The following ADAM12 variants were observed in gnomAD, a reference collection of about 807,000 sequenced individuals.
ADAM12 encodes the protein ADAM metallopeptidase domain 12.
In ADAM12, 70 loss-of-function variants were observed where a neutral mutation model predicts 106.4. The observed-to-expected ratio is 0.66, with a 90% CI of 0.54 to 0.80. ADAM12 has a LOEUF of 0.80. Among genes scored for constraint, ADAM12 ranks in the 30% least tolerant of loss-of-function variants. The pLI is 0.00. For missense variants in ADAM12, 1,010 were observed against 1,171.9 expected (o/e 0.86, Z 2.02); for synonymous variants, 420 against 433.5 (o/e 0.97, Z 0.39).
chr10:126,311,405 C>T (rs576991225), intron 2 of ADAM12, among the ~76,000 whole-genome samples: 2 of 152,182 alleles, frequency 1.3e-5, no homozygotes, highest in South Asian at 2.1e-4. Context: ...CAGATGAGAC[C>T]TTTGTGGCAT....
chr10:126,349,262 A>G (rs565779937), intron 1 of ADAM12, among the ~76,000 whole-genome samples: 2 of 152,316 alleles, frequency 1.3e-5, no homozygotes, highest in Admixed American at 6.5e-5. Context: ...AAGTCTATAC[A>G]CAATGCAGTG....
chr10:126,248,356 C>A (rs1161404030), intron 3 of ADAM12, among the ~76,000 whole-genome samples: 1 of 152,202 alleles, frequency 6.6e-6, no homozygotes, highest in Non-Finnish European at 1.5e-5. Context: ...ATATAACAAA[C>A]AACCATTTTT....
chr10:126,332,152 C>T (rs1854542764), intron 1 of ADAM12, among the ~76,000 whole-genome samples: 1 of 152,174 alleles, frequency 6.6e-6, no homozygotes. Flanking sequence ...CACCACTCAC[C>T]AAGTATTCAA....
intron 5 of ADAM12, among the ~76,000 whole-genome samples, chr10:126,133,640 T>C (rs1023319406): frequency 6.6e-6 from 1 of 151,744 alleles, no homozygotes; most frequent in African/African-American, 2.4e-5. Flanking sequence ...CCAAGCTCCC[T>C]GGCACCCATC....
Position 126,019,820 on chromosome 10 carries a change from G to A in ADAM12, c.2535C>T (p.Thr845=), listed in dbSNP as rs749458440. 17 of 1,613,276 alleles carry A rather than the reference G, an allele frequency of 1.1e-5. No individual in the cohort carries two copies. The East Asian group carries it at 2.7e-4, about 25-fold the overall frequency. ...AKPALRQAQG[T]CKPNPPQKPL... ...GCTTCTGAGGGGGGTTTGGCTTACA[G>A]GTCCCCTGCAATAAACATAGGGTTA... Residue 845 remains threonine, a synonymous_variant, in exon 22 of 23, where the codon ACC becomes ACT. Coordinates refer to ENST00000448723, the MANE Select transcript of ADAM12 (RefSeq NM_001288973.2).
chr10:126,226,067 T>G (rs1389516007), intron 3 of ADAM12, among the ~76,000 whole-genome samples: 2 of 151,976 alleles, frequency 1.3e-5, no homozygotes, highest in African/African-American at 4.8e-5. Context: ...ACCTAAGATG[T>G]CTGGCACAGA....
At chr10:126,073,282 T>C (rs540473802) in intron 11 of ADAM12, among the ~76,000 whole-genome samples, 107 of 152,286 alleles carry the variant, frequency 7.0e-4, no homozygotes, top group African/African-American at 2.4e-3. Context: ...GAGATGGGGT[T>C]TCACCATGTT....
Position 126,015,989 on chromosome 10 carries a change from CAAGTTGATTTCCTT to C in ADAM12, c.*1276_*1289del, listed in dbSNP as rs1314593647. ...TCATAATATTTAGGAAGTTGATAAG[CAAGTTGATTTCCTT>C]ATCACATTCTGTGATGCTCAACAGG... is the stretch of plus-strand genomic sequence containing the variant. On this transcript the variant is annotated 3_prime_UTR_variant, in exon 23 of 23. Coordinates refer to ENST00000448723, the MANE Select transcript of ADAM12 (RefSeq NM_001288973.2). 3 of 152,164 alleles carry C rather than the reference CAAGTTGATTTCCTT, an allele frequency of 2.0e-5. No individual in the cohort carries two copies. Among genetic ancestry groups the C allele is most frequent in the Non-Finnish European group, 4.4e-5 (3 of 68,030 alleles). The allele number at this position is 152,164 out of a possible 1,614,324, so 9.4% of individuals were successfully genotyped here.
chr10:126,128,491 A>T (rs117422848), intron 5 of ADAM12, among the ~76,000 whole-genome samples: 3,425 of 152,368 alleles, frequency 0.022, 48 homozygotes, highest in Middle Eastern at 0.054. Context: ...GACCTACTGC[A>T]ACTATCATCA....
chr10:126,215,979 G>C (rs2133844331), intron 3 of ADAM12, among the ~76,000 whole-genome samples: 1 of 152,308 alleles, frequency 6.6e-6, no homozygotes, highest in South Asian at 2.1e-4. Flanking sequence ...TCATAGCCAT[G>C]AACCCACCCC....
chr10:126,284,293 A>G (rs1002223024), intron 2 of ADAM12, among the ~76,000 whole-genome samples: 12 of 139,010 alleles, frequency 8.6e-5, no homozygotes, highest in Non-Finnish European at 1.7e-4. Flanking sequence ...AGATCACGTC[A>G]CTGCACTCCA....
In ADAM12 at chr10:126,125,249, CTTTTT is replaced by C. The variant is rs35917087; in HGVS notation, c.417-7030_417-7026del. ...CTTCCTTTTTTTTTTCTTTTCTTTT[CTTTTT>C]TTTTTTTTTGAAACGGAGTCTCGCT... On this transcript the variant is annotated intron_variant, in intron 5 of 22. Transcript: ENST00000448723. 1.9e-3 allele frequency among the ~76,000 whole-genome samples: 260 copies of C among 134,252 alleles called. 2 individuals are homozygous for C. The highest frequency in any genetic ancestry group is 6.9e-3 in the African/African-American group (250 of 36,304). The allele number at this position is 134,252 out of a possible 152,430, so 88.1% of individuals were successfully genotyped here. A position where few individuals can be genotyped will look rare whatever the true frequency, so the allele number is the denominator to read the frequency against.
chr10:126,103,893 G>A (rs1955715092), intron 8 of ADAM12, among the ~76,000 whole-genome samples: 1 of 152,192 alleles, frequency 6.6e-6, no homozygotes, highest in African/African-American at 2.4e-5. Flanking sequence ...GGATGCCCTC[G>A]CTCCTGCCAC....
chr10:126,135,563 G>T (rs779505080), intron 5 of ADAM12, 21 bp downstream of exon 5: 2 of 1,610,918 alleles, frequency 1.2e-6, no homozygotes, highest in Admixed American at 1.7e-5. Context: ...GACTAGAGCC[G>T]CCATGGTCAT....
chr10:126,387,895 G>A (rs1363343197), intron 1 of ADAM12, among the ~76,000 whole-genome samples, 163 bp downstream of exon 1: 1 of 74,756 alleles, frequency 1.3e-5, no homozygotes, highest in Middle Eastern at 7.5e-3. Flanking sequence ...CACCTGGGGG[G>A]GGGGGGTCGG....
chr10:126,084,269 C>T lies in ADAM12; in HGVS notation c.1145+9716G>A, dbSNP rs146803516. Among the ~76,000 whole-genome samples, 285 of 152,330 alleles carry T rather than the reference C, an allele frequency of 1.9e-3. 5 individuals are homozygous for T. In the East Asian group the frequency reaches 0.032, roughly 17 times the overall value. On this transcript the variant is annotated intron_variant, in intron 11 of 22. Transcript: ENST00000448723. ...AAGTGGACTTTTCACTTCTGAGCTA[C>T]GATGGCTATTTCTTCCTGCACCAAG... is the stretch of plus-strand genomic sequence containing the variant.
intron 3 of ADAM12, among the ~76,000 whole-genome samples, chr10:126,175,052 G>A (rs147280995): frequency 0.01 from 1,549 of 152,240 alleles, 33 homozygotes; most frequent in African/African-American, 0.033. Flanking sequence ...CACCGCGCCC[G>A]GCCACCCATT....
chr10:126,112,786 T>TG (rs1955894988), intron 6 of ADAM12, among the ~76,000 whole-genome samples: 1 of 151,660 alleles, frequency 6.6e-6, no homozygotes, highest in Admixed American at 6.6e-5. Flanking sequence ...TGTAGGGTGC[T>TG]GGGGATACAG....
At chr10:126,042,980 G>T in intron 18 of ADAM12, 60 bp downstream of exon 18, 1 of 1,528,128 alleles carries the variant, frequency 6.5e-7, no homozygotes, top group Non-Finnish European at 8.9e-7. Context: ...GACAGCTGGC[G>T]AGCCCACCCG....
Sources: gnomAD v4.1 joint callset for allele counts (sites outside exome capture counted in the v4.1 genomes callset) on GRCh38, gnomAD v4.1.1 for gene constraint, MANE v1.5 for transcripts, NCBI Gene and HGNC (gene_info 2026-07-23, HGNC 2026-07-21) for gene names.